The following KIAA1217 variants were observed in gnomAD, a reference collection of about 807,000 sequenced individuals.
KIAA1217 encodes the protein sickle tail protein homolog.
Under a neutral mutation model 163.9 loss-of-function variants are expected in KIAA1217, and 88 were observed. The ratio of observed to expected loss-of-function variants is 0.54; its 90% CI spans 0.45 to 0.64. The LOEUF (loss-of-function observed/expected upper bound fraction) is 0.64. Among genes scored for constraint, KIAA1217 ranks in the 30% least tolerant of loss-of-function variants. The pLI is 0.00. For missense variants in KIAA1217, 2,372 were observed against 2,475.0 expected (o/e 0.96, Z 0.88); for synonymous variants, 903 against 923.1 (o/e 0.98, Z 0.39).
At chr10:24,175,443 A>ATGTGTGTGTG (rs137918207) in intron 2 of KIAA1217, among the ~76,000 whole-genome samples, 1 of 149,894 alleles carries the variant, frequency 6.7e-6, no homozygotes, top group African/African-American at 2.5e-5. Context: ...GTGTATATAT[A>ATGTGTGTGTG]TGTGTGTGTG....
At chr10:23,880,281 G>T (rs942478940) in intron 1 of KIAA1217, among the ~76,000 whole-genome samples, 1 of 151,894 alleles carries the variant, frequency 6.6e-6, no homozygotes, top group Non-Finnish European at 1.5e-5. Context: ...AAAAAAATGA[G>T]ATGCTGTCAT....
chr10:24,307,251 C>T (rs550852326), intron 2 of KIAA1217, among the ~76,000 whole-genome samples: 9 of 152,038 alleles, frequency 5.9e-5, no homozygotes, highest in East Asian at 3.9e-4. Flanking sequence ...TTCTTAGCTC[C>T]GGGTTGAGCT....
intron 1 of KIAA1217, among the ~76,000 whole-genome samples, chr10:23,728,170 G>A (rs1003928580): frequency 6.6e-6 from 1 of 152,138 alleles, no homozygotes; most frequent in African/African-American, 2.4e-5. Context: ...AATCCTTTGG[G>A]TATATACCCA....
intron 2 of KIAA1217, among the ~76,000 whole-genome samples, chr10:24,025,663 A>G (rs1311356333): frequency 2.6e-5 from 4 of 151,640 alleles, no homozygotes; most frequent in African/African-American, 9.7e-5. Flanking sequence ...CTCTCCATTT[A>G]TTTGTGTCTT....
At chr10:24,482,517 G>A (rs1429560019) in intron 6 of KIAA1217, 2 of 152,208 alleles carry the variant, frequency 1.3e-5, no homozygotes, top group Non-Finnish European at 2.9e-5. Context: ...AAATAGCCCA[G>A]GAGCTGATAA....
chr10:23,902,656 C>A (rs1392232185), intron 1 of KIAA1217, among the ~76,000 whole-genome samples: 2 of 152,058 alleles, frequency 1.3e-5, no homozygotes, highest in East Asian at 3.9e-4. Flanking sequence ...ACTAGTCAGT[C>A]CAGTAATGTT....
intron 3 of KIAA1217, among the ~76,000 whole-genome samples, chr10:24,383,340 T>A (rs2053569581): frequency 6.6e-6 from 1 of 152,176 alleles, no homozygotes; most frequent in African/African-American, 2.4e-5. Flanking sequence ...TGTCGGATAA[T>A]GGATCTTTTG....
At position 24,093,435 on chromosome 10, in the gene KIAA1217, G is replaced by T. The variant is rs941461316; in HGVS notation, c.-171+86061G>T. ...GATCCACCCACCTCAGCCTCTCAAA[G>T]TGCTGGGATTACAGGTGTGAGCCAC... is the stretch of plus-strand genomic sequence containing the variant. On this transcript the variant is annotated intron_variant, in intron 2 of 18. Transcript: ENST00000376462. Among the ~76,000 whole-genome samples, 3 of 151,536 alleles carry T rather than the reference G, an allele frequency of 2.0e-5. No individual in the cohort carries two copies. In the South Asian group the frequency reaches 6.2e-4, roughly 31 times the overall value.
chr10:24,152,851 C>T (rs1448509709), intron 2 of KIAA1217, among the ~76,000 whole-genome samples: 2 of 152,024 alleles, frequency 1.3e-5, no homozygotes, highest in African/African-American at 4.8e-5. Context: ...ACGATCTGCT[C>T]CTAGATATGG....
chr10:24,433,816 A>G (rs1249945403), intron 4 of KIAA1217, among the ~76,000 whole-genome samples: 1 of 152,124 alleles, frequency 6.6e-6, no homozygotes, highest in East Asian at 1.9e-4. Flanking sequence ...ATTATTTTCC[A>G]TAAGAAAAGA....
At chr10:23,932,274 G>A (rs567561708) in intron 1 of KIAA1217, among the ~76,000 whole-genome samples, 39 of 152,170 alleles carry the variant, frequency 2.6e-4, no homozygotes, top group Non-Finnish European at 4.9e-4. Context: ...ACTGTCGCCT[G>A]CAGGGTCCAA....
chr10:23,849,713 A>G lies in KIAA1217; in HGVS notation c.-321+154479A>G, dbSNP rs970728163. ...CATAAAAATAAAACTTAAAAAAAAG[A>G]GTTGCTCTCAATGGATTTCCTGAAC... On this transcript the variant is annotated intron_variant, in intron 1 of 18. Transcript: ENST00000376462. 5.9e-5 allele frequency among the ~76,000 whole-genome samples: 9 copies of G among 152,214 alleles called. No homozygotes were observed. In the South Asian group the frequency reaches 1.7e-3, roughly 28 times the overall value.
chr10:23,974,487 A>G (rs1359884188), intron 1 of KIAA1217, among the ~76,000 whole-genome samples: 2 of 152,082 alleles, frequency 1.3e-5, no homozygotes, highest in African/African-American at 4.8e-5. Context: ...GGATGAAGTA[A>G]GATAACATGC....
At chr10:23,798,756 A>T (rs1836329235) in intron 1 of KIAA1217, among the ~76,000 whole-genome samples, 2 of 152,168 alleles carry the variant, frequency 1.3e-5, no homozygotes, top group South Asian at 4.1e-4. Flanking sequence ...TCCTAACAAC[A>T]TCTAGCAGAT....
intron 1 of KIAA1217, among the ~76,000 whole-genome samples, chr10:23,724,029 G>T (rs1838004058): frequency 6.6e-6 from 1 of 152,142 alleles, no homozygotes; most frequent in African/African-American, 2.4e-5. Context: ...GAGAAAGCAA[G>T]CGGGGAGATG....
intron 1 of KIAA1217, among the ~76,000 whole-genome samples, chr10:23,793,210 C>T (rs929333519): frequency 1.3e-5 from 2 of 152,180 alleles, no homozygotes; most frequent in Non-Finnish European, 2.9e-5. Context: ...TTTCTAACTG[C>T]TCAGTTGTCT....
chr10:23,983,849 T>C (rs1288980307), intron 1 of KIAA1217, among the ~76,000 whole-genome samples: 3 of 152,184 alleles, frequency 2.0e-5, no homozygotes, highest in African/African-American at 7.2e-5. Context: ...TGATTGACAT[T>C]AGGTCCATAT....
Position 24,050,100 on chromosome 10 carries a change from T to C in KIAA1217, c.-171+42726T>C, listed in dbSNP as rs1264561688. Among the ~76,000 whole-genome samples the C allele has an allele frequency of 2.6e-5, 4 of 152,240 alleles. No individual in the cohort carries two copies. In the East Asian group the frequency reaches 7.7e-4, roughly 29 times the overall value. On this transcript the variant is annotated intron_variant, in intron 2 of 18. Coordinates refer to the KIAA1217 transcript ENST00000376462. ...TACACGTTTGTTGGCTGCATAAATG[T>C]CTTCTTTTGAGAAATGTCTGTTCAT...
intron 5 of KIAA1217, among the ~76,000 whole-genome samples, chr10:24,451,564 G>A (rs909499571): frequency 6.6e-6 from 1 of 152,244 alleles, no homozygotes; most frequent in African/African-American, 2.4e-5. Context: ...TCAGGATCAA[G>A]GCTTCCAGCC....
Sources: gnomAD v4.1 joint callset for allele counts (sites outside exome capture counted in the v4.1 genomes callset) on GRCh38, gnomAD v4.1.1 for gene constraint, MANE v1.5 for transcripts, NCBI Gene and HGNC (gene_info 2026-07-23, HGNC 2026-07-21) for gene names.